DIAPH2: variants seen among roughly 807,000 people sequenced by gnomAD.
The protein encoded by DIAPH2 is diaphanous related formin 2.
In DIAPH2, 35 loss-of-function variants were observed where a neutral mutation model predicts 92.7. The observed-to-expected ratio is 0.38, with a 90% CI of 0.29 to 0.50. The LOEUF is 0.50. DIAPH2 is among the 20% of genes least tolerant of loss of function. The probability of loss-of-function intolerance (pLI) is 0.94; values close to 1 mark genes in which losing one functional copy is unlikely to be tolerated. For synonymous variants in DIAPH2, 301 were observed against 280.4 expected (o/e 1.07, Z -0.73); for missense variants, 701 against 819.5 (o/e 0.86, Z 1.77).
intron 23 of DIAPH2, among the ~76,000 whole-genome samples, chrX:97,269,589 T>G (rs2068368185): frequency 8.9e-6 from 1 of 111,783 alleles, no homozygotes; most frequent in Admixed American, 9.5e-5. Flanking sequence ...AAGGAAATCC[T>G]AGATACAGAG....
chrX:96,983,272 A>G (rs2066009467), intron 17 of DIAPH2, among the ~76,000 whole-genome samples: 1 of 111,013 alleles, frequency 9.0e-6, no homozygotes, highest in African/African-American at 3.3e-5. Context: ...TTTTTTTATG[A>G]TGACAAGGGG....
chrX:96,716,109 A>G (rs1325583485), intron 1 of DIAPH2, among the ~76,000 whole-genome samples: 2 of 111,338 alleles, frequency 1.8e-5, no homozygotes, highest in Non-Finnish European at 3.8e-5. Flanking sequence ...TAATATAATA[A>G]GTGCACAACA....
At chrX:97,442,992 TC>T (rs1360819946) in intron 26 of DIAPH2, among the ~76,000 whole-genome samples, 220 of 111,250 alleles carry the variant, frequency 2.0e-3, no homozygotes, top group African/African-American at 7.0e-3. Flanking sequence ...CAAGGGATTC[TC>T]CCCCACAGCC....
intron 23 of DIAPH2, among the ~76,000 whole-genome samples, chrX:97,292,320 C>A (rs1423356580): frequency 9.0e-6 from 1 of 111,074 alleles, no homozygotes; most frequent in African/African-American, 3.3e-5. Flanking sequence ...TTAAAACATC[C>A]ATTTGTACAG....
At chrX:97,560,308 G>A (rs1442275871) in intron 26 of DIAPH2, among the ~76,000 whole-genome samples, 1 of 111,679 alleles carries the variant, frequency 9.0e-6, no homozygotes, top group Non-Finnish European at 1.9e-5. Context: ...GCCATGTTAG[G>A]TATTAAGAAA....
At chrX:97,177,430 T>C (rs2067501357) in intron 22 of DIAPH2, among the ~76,000 whole-genome samples, 1 of 111,441 alleles carries the variant, frequency 9.0e-6, no homozygotes, top group African/African-American at 3.3e-5. Context: ...TGAATTTCTT[T>C]ATACTTTGCT....
At chrX:96,809,823 C>G (rs931190296) in intron 4 of DIAPH2, among the ~76,000 whole-genome samples, 2 of 111,758 alleles carry the variant, frequency 1.8e-5, no homozygotes, top group Non-Finnish European at 3.8e-5. Flanking sequence ...CAGCTTCATC[C>G]ATGTCCCTGC....
chrX:97,355,405 A>G (rs2069256486), intron 24 of DIAPH2, among the ~76,000 whole-genome samples: 2 of 99,778 alleles, frequency 2.0e-5, no homozygotes, highest in South Asian at 8.9e-4. Flanking sequence ...ACTTGACATT[A>G]AAAAAAAAAA....
At chrX:96,955,166 G>A (rs761943738) in intron 15 of DIAPH2, among the ~76,000 whole-genome samples, 1 of 111,513 alleles carries the variant, frequency 9.0e-6, no homozygotes, top group Non-Finnish European at 1.9e-5. Flanking sequence ...AGCTGGCGAG[G>A]CCTCAGGAAA....
At chrX:96,812,375 A>G (rs967967859) in intron 4 of DIAPH2, among the ~76,000 whole-genome samples, 1 of 111,523 alleles carries the variant, frequency 9.0e-6, no homozygotes, top group Non-Finnish European at 1.9e-5. Context: ...TATCCCCTTT[A>G]TCATTTTTTA....
intron 4 of DIAPH2, among the ~76,000 whole-genome samples, chrX:96,812,007 T>G (rs1002780869): frequency 2.7e-5 from 3 of 111,705 alleles, no homozygotes; most frequent in African/African-American, 9.8e-5. Flanking sequence ...TCTGCCAGGC[T>G]TTGGTATCAG....
At chrX:97,222,532 T>C (rs2067934269) in intron 22 of DIAPH2, among the ~76,000 whole-genome samples, 1 of 111,482 alleles carries the variant, frequency 9.0e-6, no homozygotes. Context: ...TAGAAAAACA[T>C]GATCCTGAAT....
chrX:97,315,697 A>C (rs767071938), intron 23 of DIAPH2, among the ~76,000 whole-genome samples: 1 of 109,249 alleles, frequency 9.2e-6, no homozygotes, highest in African/African-American at 3.3e-5. Flanking sequence ...CAGCTGTAAT[A>C]GAAAGAACAC....
At chrX:97,277,016 A>C (rs1219295662) in intron 23 of DIAPH2, among the ~76,000 whole-genome samples, 1 of 112,366 alleles carries the variant, frequency 8.9e-6, no homozygotes, top group Non-Finnish European at 1.9e-5. Context: ...TTAACTGAAA[A>C]TGTTCTTTAA....
At chrX:96,691,345 T>A (rs1015908979) in intron 1 of DIAPH2, among the ~76,000 whole-genome samples, 2 of 111,867 alleles carry the variant, frequency 1.8e-5, no homozygotes, top group African/African-American at 6.5e-5. Context: ...AGTTATTAGC[T>A]TGATATCCAA....
At chrX:97,262,342 G>A (rs935418377) in intron 23 of DIAPH2, among the ~76,000 whole-genome samples, 1 of 111,507 alleles carries the variant, frequency 9.0e-6, no homozygotes, top group Non-Finnish European at 1.9e-5. Context: ...CGATTTGCGT[G>A]AGTAACTGAG....
chrX:97,058,461 CTT>C lies in DIAPH2; in HGVS notation c.2051-14464_2051-14463del, dbSNP rs35551569. Among the ~76,000 whole-genome samples, 122 of 89,334 alleles carry C rather than the reference CTT, an allele frequency of 1.4e-3. No individual in the cohort carries two copies. The East Asian group carries it at 0.026, about 19-fold the overall frequency. The allele number at this position is 89,334 out of a possible 115,157, so 77.6% of individuals were successfully genotyped here. A position where few individuals can be genotyped will look rare whatever the true frequency, so the allele number is the denominator to read the frequency against. ...CTGAAATGGCCTATTTTCTTCTGGT[CTT>C]TTTTTTTTTTTTTTTAAGTATTTAG... On this transcript the variant is annotated intron_variant, in intron 17 of 26. Coordinates refer to ENST00000324765, the MANE Select transcript of DIAPH2 (RefSeq NM_006729.5).
chrX:96,850,401 T>G, intron 4 of DIAPH2, among the ~76,000 whole-genome samples: 1 of 112,141 alleles, frequency 8.9e-6, no homozygotes, highest in Non-Finnish European at 1.9e-5. Flanking sequence ...CCAAATGAAG[T>G]ACGTAGTGTT....
In DIAPH2 at chrX:96,720,526, T is replaced by C. The variant is rs188248890; in HGVS notation, c.133-15232T>C. Among the ~76,000 whole-genome samples the C allele has an allele frequency of 1.1e-3, 124 of 111,954 alleles. 3 individuals are homozygous for C. Among genetic ancestry groups the C allele is most frequent in the Middle Eastern group, 4.6e-3 (1 of 217 alleles). On this transcript the variant is annotated intron_variant, in intron 1 of 26. Transcript: ENST00000324765. Reference sequence around the variant, plus strand: ...AAAATTCAGCAAAACCTTATTAGAATACTTTAAATATATATAATACAGTTT... The same window carrying C: ...AAAATTCAGCAAAACCTTATTAGAACACTTTAAATATATATAATACAGTTT...
Sources: allele counts gnomAD v4.1 joint callset (sites outside exome capture counted in the v4.1 genomes callset), GRCh38; gene constraint gnomAD v4.1.1; transcripts MANE v1.5; gene names NCBI Gene and HGNC (gene_info 2026-07-23, HGNC 2026-07-21).